Variants in ATP13A2 observed in about 807,000 individuals in gnomAD.
ATP13A2 encodes the protein polyamine-transporting ATPase 13A2.
ATP13A2 carries 83 observed loss-of-function variants against 138.3 expected under a neutral mutation model. The observed-to-expected ratio is 0.60, with a 90% CI of 0.50 to 0.72. The LOEUF is 0.72. Ranked by LOEUF, ATP13A2 falls within the 30% of genes least tolerant of loss-of-function variation. The pLI is 0.00. For synonymous variants in ATP13A2, 663 were observed against 699.0 expected (o/e 0.95, Z 0.81); for missense variants, 1,402 against 1,606.4 (o/e 0.87, Z 2.17).
In ATP13A2 at chr1:16,986,553, C is replaced by CG. The variant is rs1557665224; in HGVS notation, c.3314dup (p.Leu1106AlafsTer8). 1 of 1,612,324 alleles carries CG rather than the reference C, an allele frequency of 6.2e-7. No individual in the cohort carries two copies. Among genetic ancestry groups the CG allele is most frequent in the Non-Finnish European group, 8.5e-7 (1 of 1,179,816 alleles). ...TGTCAGTGATGTTCCTCAGCGCCAG[C>CG]GGCCCCTGCAGGAGGCCGGGGACCA... On this transcript the variant is annotated frameshift_variant, in exon 28 of 29. Coordinates refer to ENST00000326735, the MANE Select transcript of ATP13A2 (RefSeq NM_022089.4). LOFTEE classifies it high-confidence loss of function. The surrounding 1 kb of genome is among the most constrained non-coding windows in gnomAD (Gnocchi z 6.9).
At chr1:17,009,293 C>T (rs184746458) in intron 1 of ATP13A2, among the ~76,000 whole-genome samples, 2 of 152,082 alleles carry the variant, frequency 1.3e-5, no homozygotes, top group East Asian at 1.9e-4. Flanking sequence ...ACTGATTGAC[C>T]GACTGACTGA....
chr1:17,000,442 A>G lies in ATP13A2; in HGVS notation c.798T>C (p.Ile266=), dbSNP rs2077311452. 1.2e-6 allele frequency: 2 copies of G among 1,613,988 alleles called. No individual in the cohort carries two copies. Among genetic ancestry groups the G allele is most frequent in the South Asian group, 1.1e-5 (1 of 91,076 alleles). ...YYWYALCIFL[I]SSISICLSLY... ...GCGACAGGCAGATGGAGATGGAGGAAATGAGGAAGATGCACAGGGCGTACC... is the reference window on the plus strand; with the variant it reads ...GCGACAGGCAGATGGAGATGGAGGAGATGAGGAAGATGCACAGGGCGTACC... Residue 266 remains isoleucine (I), a synonymous_variant, in exon 9 of 29, where the codon ATT becomes ATC. Coordinates refer to ENST00000326735, the MANE Select transcript of ATP13A2 (RefSeq NM_022089.4).
chr1:16,988,581 G>T, intron 23 of ATP13A2, 107 bp from the exon 24 acceptor site: 1 of 1,363,948 alleles, frequency 7.3e-7, no homozygotes, highest in Non-Finnish European at 1.0e-6. Context: ...CATGGTGCCT[G>T]GTGTACAGGA....
In ATP13A2 at chr1:17,005,513, T is replaced by A; in HGVS notation, c.149A>T (p.Tyr50Phe). The change falls in exon 3 of 29, where the codon TAT (tyrosine) becomes TTT (phenylalanine). Residue 50 changes from tyrosine to phenylalanine, a missense_variant. By Grantham distance (22) the Tyr-to-Phe change is conservative. Transcript: ENST00000326735. ...YCGSPWRVIG[Y>F]HVVVWMMAGI... is the part of the protein sequence containing the mutation. ...AGCCATCATCCAGACCACGACGTGA[T>A]AGCCGATGACCCTCCATGGACTGCC... 1 of 1,614,250 alleles carries A rather than the reference T, an allele frequency of 6.2e-7. No homozygotes were observed. The highest frequency in any genetic ancestry group is 8.5e-7 in the Non-Finnish European group (1 of 1,180,048).
intron 20 of ATP13A2, among the ~76,000 whole-genome samples, chr1:16,991,438 C>T (rs1396882192): frequency 1.3e-5 from 2 of 152,232 alleles, no homozygotes; most frequent in African/African-American, 2.4e-5. Flanking sequence ...AGGCTGACAT[C>T]ATTATCCCCA....
Position 16,986,188 on chromosome 1 carries a change from A to C in ATP13A2, c.*33T>G, listed in dbSNP as rs758219148. On this transcript the variant is annotated 3_prime_UTR_variant, in exon 29 of 29. Transcript: ENST00000326735. This position sits in a 1 kb window ranked among gnomAD's most constrained non-coding sequence, Gnocchi z 6.9. ...TCCAGTTGGTGGCTCAGAGGCAGGG[A>C]GTTCCAGTGTCTGGGGTGCCCGTGG... 28 of 1,612,330 alleles carry C rather than the reference A, an allele frequency of 1.7e-5. No homozygotes were observed. Among genetic ancestry groups the C allele is most frequent in the African/African-American group, 2.7e-5 (2 of 74,810 alleles).
Position 17,011,876 on chromosome 1 carries a change from G to A in ATP13A2, c.-138C>T, listed in dbSNP as rs2077814093. ...CTGGGCTAGCGCGGGGCTGGAGCAG[G>A]GCTGACGCGGGCGGGGCACCTGGGC... On this transcript the variant is annotated 5_prime_UTR_variant, in exon 1 of 29. Transcript: ENST00000326735. This position sits in a 1 kb window ranked among gnomAD's most constrained non-coding sequence, Gnocchi z 7.3. 1 of 813,772 alleles carries A rather than the reference G, an allele frequency of 1.2e-6. No homozygotes were observed. The highest frequency in any genetic ancestry group is 1.5e-6 in the Non-Finnish European group (1 of 665,638). 50.4% of individuals were successfully genotyped at this position (813,772 alleles called of 1,614,324 possible).
chr1:17,004,277 C>G lies in ATP13A2; in HGVS notation c.557+55G>C. The G allele has an allele frequency of 6.3e-7, 1 of 1,577,564 alleles. No individual in the cohort carries two copies. The highest frequency in any genetic ancestry group is 8.7e-7 in the Non-Finnish European group (1 of 1,154,718). On this transcript the variant is annotated intron_variant, in intron 6 of 28. Coordinates refer to ENST00000326735, the MANE Select transcript of ATP13A2 (RefSeq NM_022089.4). The surrounding 1 kb of genome is among the most constrained non-coding windows in gnomAD (Gnocchi z 4.1). Reference sequence around the variant, plus strand: ...GGCCATGCCATGCCACCGTCTGTGCCCAAACCAGTGCCACTCTGGGAGGTG... The same window carrying G: ...GGCCATGCCATGCCACCGTCTGTGCGCAAACCAGTGCCACTCTGGGAGGTG...
intron 16 of ATP13A2, among the ~76,000 whole-genome samples, 167 bp from the exon 17 acceptor site, chr1:16,992,748 G>A (rs1042145978): frequency 6.6e-6 from 1 of 152,228 alleles, no homozygotes; most frequent in Non-Finnish European, 1.5e-5. Flanking sequence ...CTACTTACAA[G>A]CTGTTGGGTG....
chr1:17,011,837 C>T lies in ATP13A2; in HGVS notation c.-99G>A. The T allele has an allele frequency of 9.4e-7, 1 of 1,061,294 alleles. No individual in the cohort carries two copies. Among genetic ancestry groups the T allele is most frequent in the Non-Finnish European group, 1.1e-6 (1 of 877,334 alleles). The allele number at this position is 1,061,294 out of a possible 1,614,324, so 65.7% of individuals were successfully genotyped here. A position where few individuals can be genotyped will look rare whatever the true frequency, so the allele number is the denominator to read the frequency against. ...GGGCGGGGGCGCGGTCCGGACGGCC[C>T]GGGGCGAGGGGCGCTGGGCTAGCGC... On this transcript the variant is annotated 5_prime_UTR_variant, in exon 1 of 29. Transcript: ENST00000326735. This position sits in a 1 kb window ranked among gnomAD's most constrained non-coding sequence, Gnocchi z 7.3.
At chr1:17,008,154 T>C (rs573385270) in intron 1 of ATP13A2, among the ~76,000 whole-genome samples, 1 of 152,070 alleles carries the variant, frequency 6.6e-6, no homozygotes, top group Non-Finnish European at 1.5e-5. Flanking sequence ...CGTGTATAAG[T>C]CTTTTTTTGA....
intron 1 of ATP13A2, among the ~76,000 whole-genome samples, chr1:17,009,373 G>A (rs1330875311): frequency 2.0e-5 from 3 of 150,500 alleles, no homozygotes; most frequent in African/African-American, 7.3e-5. Context: ...GGGGGGAGGG[G>A]CTTGAGCCTC....
At chr1:16,992,706 C>A in intron 16 of ATP13A2, 125 bp from the exon 17 acceptor site, 1 of 951,872 alleles carries the variant, frequency 1.1e-6, no homozygotes, top group Non-Finnish European at 1.6e-6. Context: ...GGCTTTGGAG[C>A]CCGGTGGACT....
rs376331099 is a variant in ATP13A2, at chr1:17,001,263, C to CAAAAA, written c.706-734_706-730dup. The stretch of plus-strand genomic sequence containing the variant: ...TGAATCCCCGTATCTACTAAAAATA[C>CAAAAA]AAAAAAAAAAAAAAATTAGCTGGGC... On this transcript the variant is annotated intron_variant, in intron 8 of 28. Transcript: ENST00000326735. 1.1e-4 allele frequency among the ~76,000 whole-genome samples: 14 copies of CAAAAA among 124,036 alleles called. 1 individual carries two copies. The highest frequency in any genetic ancestry group is 2.5e-4 in the Admixed American group (3 of 11,838). 81.4% of individuals were successfully genotyped at this position (124,036 alleles called of 152,430 possible).
At position 16,986,971 on chromosome 1, in the gene ATP13A2, A is replaced by G. The variant is rs1434038876; in HGVS notation, c.3084-15T>C. 3 of 1,534,094 alleles carry G rather than the reference A, an allele frequency of 2.0e-6. No individual in the cohort carries two copies. Among genetic ancestry groups the G allele is most frequent in the Middle Eastern group, 3.4e-4 (2 of 5,798 alleles). The stretch of plus-strand genomic sequence containing the variant: ...GAGGCACGAACCTGGGGGTACAGGG[A>G]TGGGGGTCAGGGAACGAACGTGGGG... On this transcript the variant is annotated splice_polypyrimidine_tract_variant and intron_variant, in intron 26 of 28. Coordinates refer to ENST00000326735, the MANE Select transcript of ATP13A2 (RefSeq NM_022089.4). The surrounding 1 kb of genome is among the most constrained non-coding windows in gnomAD (Gnocchi z 6.9).
At chr1:17,000,347 G>C in intron 9 of ATP13A2, 35 bp from the exon 10 acceptor site, 1 of 1,586,246 alleles carries the variant, frequency 6.3e-7, no homozygotes, top group Non-Finnish European at 8.6e-7. Flanking sequence ...GTGAGTGGGT[G>C]GGGGCCCCTG....
In ATP13A2 at chr1:16,986,508, C is replaced by G. The variant is rs1170773460; in HGVS notation, c.3360G>C (p.Leu1120=). The change falls in exon 28 of 29, where the codon CTG becomes CTC. Residue 1120 remains leucine, a synonymous_variant. Coordinates refer to ENST00000326735, the MANE Select transcript of ATP13A2 (RefSeq NM_022089.4). The surrounding 1 kb of genome is among the most constrained non-coding windows in gnomAD (Gnocchi z 6.9). ...NITDTGFKLL[L]LGLVTLNFVG... ...CGAAGTTGAGGGTGACCAGACCCAG[C>G]AGCAGCAGCTTGAAGCCGGTGTCAG... 6.8e-6 allele frequency: 11 copies of G among 1,612,564 alleles called. No individual in the cohort carries two copies. The highest frequency in any genetic ancestry group is 9.3e-6 in the Non-Finnish European group (11 of 1,179,906).
At chr1:17,010,417 G>A (rs1450362077) in intron 1 of ATP13A2, among the ~76,000 whole-genome samples, 1 of 152,154 alleles carries the variant, frequency 6.6e-6, no homozygotes, top group Non-Finnish European at 1.5e-5. Context: ...CCCATGGAGT[G>A]CTCACCATGC....
In ATP13A2 at chr1:16,995,867, G is replaced by C. The variant is rs779298338; in HGVS notation, c.1542+109C>G. The C allele has an allele frequency of 1.2e-5, 16 of 1,370,296 alleles. No homozygotes were observed. In the South Asian group the frequency reaches 2.0e-4, roughly 17 times the overall value. The allele number at this position is 1,370,296 out of a possible 1,614,324, so 84.9% of individuals were successfully genotyped here. A position where few individuals can be genotyped will look rare whatever the true frequency, so the allele number is the denominator to read the frequency against. ...TCTGGGGGTTTCCATCCCTAGACAG[G>C]ACCTGGCATCCTGTGGGTGCTGCTG... On this transcript the variant is annotated intron_variant, in intron 15 of 28. Transcript: ENST00000326735. The surrounding 1 kb of genome is among the most constrained non-coding windows in gnomAD (Gnocchi z 4.1).
Sources: allele counts gnomAD v4.1 joint callset (sites outside exome capture counted in the v4.1 genomes callset), GRCh38; gene constraint gnomAD v4.1.1; non-coding constraint Gnocchi (gnomAD v3.1); transcripts MANE v1.5; gene names NCBI Gene and HGNC (gene_info 2026-07-23, HGNC 2026-07-21).